ARMH2: variants seen among roughly 807,000 people sequenced by gnomAD.
ARMH2 encodes armadillo-like helical domain-containing protein 2.
Under a neutral mutation model 9.0 loss-of-function variants are expected in ARMH2, and 5 were observed. That is an observed-to-expected ratio of 0.56 (90% CI 0.29 to 1.17). ARMH2 has a LOEUF of 1.17. Among genes scored for constraint, ARMH2 ranks in the 50% most tolerant of loss-of-function variants. ARMH2 has a pLI of 0.08. For missense variants in ARMH2, 236 were observed against 268.3 expected (o/e 0.88, Z 0.84); for synonymous variants, 74 against 93.1 (o/e 0.79, Z 1.18).
chr6:24,797,821 C>T lies in ARMH2; in HGVS notation c.282G>A (p.Gly94=), dbSNP rs1780503437. The T allele has an allele frequency of 6.5e-7, 1 of 1,533,602 alleles. No individual in the cohort carries two copies. The highest frequency in any genetic ancestry group is 8.7e-7 in the Non-Finnish European group (1 of 1,145,800). 95.0% of individuals were successfully genotyped at this position (1,533,602 alleles called of 1,614,324 possible). ...LLAFTGGPPA[G]NFAAEYMEEV... ...CTTCCATGTACTCAGCTGCAAAGTT[C>T]CCAGCAGGTGGTCCTCCTGTAAAAC... is the stretch of plus-strand genomic sequence containing the variant. The change falls in exon 2 of 2, where the codon GGG becomes GGA. Residue 94 remains glycine, a synonymous_variant. Coordinates refer to ENST00000565469, the MANE Select transcript of ARMH2 (RefSeq NM_001282492.2).
Position 24,797,432 on chromosome 6 carries a change from A to G in ARMH2, c.671T>C (p.Leu224Pro). ...AAACTAATTCCTATGAAAACCAATT[A>G]GGAAATACAGCACCTCTGCAAAATT... ...TENFAEVLYF[L>P]IGFHRN is the part of the protein sequence containing the mutation. The change falls in exon 2 of 2, where the codon CTA becomes CCA. Residue 224 changes from leucine to proline, a missense_variant. Physicochemically the swap from Leu to Pro is moderately conservative, Grantham distance 98. Coordinates refer to ENST00000565469, the MANE Select transcript of ARMH2 (RefSeq NM_001282492.2). 6.5e-7 allele frequency: 1 copy of G among 1,533,466 alleles called. No individual in the cohort carries two copies. The highest frequency in any genetic ancestry group is 1.2e-5 in the South Asian group (1 of 83,950). 95.0% of individuals were successfully genotyped at this position (1,533,466 alleles called of 1,614,324 possible). A position where few individuals can be genotyped will look rare whatever the true frequency, so the allele number is the denominator to read the frequency against.
chr6:24,798,160 A>G (rs1780508312), intron 1 of ARMH2, among the ~76,000 whole-genome samples: 1 of 151,522 alleles, frequency 6.6e-6, no homozygotes, highest in Non-Finnish European at 1.5e-5. Context: ...CTTTTTGCCC[A>G]GGCTGGAGTG....
chr6:24,797,553 T>C lies in ARMH2; in HGVS notation c.550A>G (p.Asn184Asp). Residue 184 changes from asparagine (N) to aspartate (D), a missense_variant, in exon 2 of 2, where the codon AAT (asparagine) becomes GAT (aspartate). Transcript: ENST00000565469. ...TCYVLSVMTC[N>D]NLSCVKELKD... ...AGCTCCTTGACGCAAGACAAGTTAT[T>C]GCATGTCATGACAGAGAGAACGTAA... 1.3e-6 allele frequency: 2 copies of C among 1,535,514 alleles called. No individual in the cohort carries two copies. Among genetic ancestry groups the C allele is most frequent in the Non-Finnish European group, 1.7e-6 (2 of 1,146,746 alleles).
In ARMH2 at chr6:24,797,846, C is replaced by A; in HGVS notation, c.266-9G>T. The A allele has an allele frequency of 6.5e-7, 1 of 1,528,650 alleles. No homozygotes were observed. Among genetic ancestry groups the A allele is most frequent in the Non-Finnish European group, 8.7e-7 (1 of 1,143,914 alleles). The allele number at this position is 1,528,650 out of a possible 1,614,324, so 94.7% of individuals were successfully genotyped here. A position where few individuals can be genotyped will look rare whatever the true frequency, so the allele number is the denominator to read the frequency against. On this transcript the variant is annotated splice_polypyrimidine_tract_variant and intron_variant, in intron 1 of 1. Transcript: ENST00000565469. ...CCCAGCAGGTGGTCCTCCTGTAAAACAAGCATTTGCATTTCCAGAAGTATT... is the reference window on the plus strand; with the variant it reads ...CCCAGCAGGTGGTCCTCCTGTAAAAAAAGCATTTGCATTTCCAGAAGTATT...
rs773974934 is a variant in ARMH2, at chr6:24,798,629, G to A, written c.229C>T (p.Gln77Ter). 7.2e-6 allele frequency: 11 copies of A among 1,535,124 alleles called. No individual in the cohort carries two copies. The South Asian group carries it at 1.3e-4, about 18-fold the overall frequency. ...AGCAGTCCAATTTTCTGGGCAGCTT[G>A]AGCTCTCTTCTCAATGGGTAGAGAT... ...NESLPIEKRA[Q>*]AAQKIGLLAF... The change falls in exon 1 of 2, where the codon CAA (glutamine) becomes TAA (stop). Residue 77 changes from glutamine (Q) to a stop codon, truncating the protein, a stop_gained. Transcript: ENST00000565469. LOFTEE classifies it low-confidence loss of function (END_TRUNC).
intron 1 of ARMH2, 40 bp from the exon 2 acceptor site, chr6:24,797,877 T>G: frequency 6.6e-7 from 1 of 1,513,368 alleles, no homozygotes; most frequent in Non-Finnish European, 8.8e-7. Context: ...GTATTTGGTG[T>G]ATCTATTAGC....
In ARMH2 at chr6:24,797,539, G is replaced by C; in HGVS notation, c.564C>G (p.Cys188Trp). 2 of 1,535,420 alleles carry C rather than the reference G, an allele frequency of 1.3e-6. No individual in the cohort carries two copies. Among genetic ancestry groups the C allele is most frequent in the Non-Finnish European group, 1.7e-6 (2 of 1,146,726 alleles). ...LSVMTCNNLS[C>W]VKELKDHSAL... ...CACTGTGGTCTTTAAGCTCCTTGACGCAAGACAAGTTATTGCATGTCATGA... is the reference window on the plus strand; with the variant it reads ...CACTGTGGTCTTTAAGCTCCTTGACCCAAGACAAGTTATTGCATGTCATGA... Residue 188 changes from cysteine to tryptophan, a missense_variant, in exon 2 of 2, where the codon TGC becomes TGG. Transcript: ENST00000565469.
In ARMH2 at chr6:24,798,546, T is replaced by G. The variant is rs1039240765; in HGVS notation, c.265+47A>C. ...ATTACTAAACTACAGTGTTATAAAA[T>G]GAGTGTCGTGAAACACTCATTTTAG... On this transcript the variant is annotated intron_variant, in intron 1 of 1. Coordinates refer to ENST00000565469, the MANE Select transcript of ARMH2 (RefSeq NM_001282492.2). 6.1e-6 allele frequency: 9 copies of G among 1,483,150 alleles called. No individual in the cohort carries two copies. The African/African-American group carries it at 9.9e-5, about 16-fold the overall frequency. 91.9% of individuals were successfully genotyped at this position (1,483,150 alleles called of 1,614,324 possible).
Position 24,797,611 on chromosome 6 carries a change from T to C in ARMH2, c.492A>G (p.Thr164=), listed in dbSNP as rs1008328108. 5.9e-6 allele frequency: 9 copies of C among 1,535,416 alleles called. No homozygotes were observed. The highest frequency in any genetic ancestry group is 1.4e-5 in the African/African-American group (1 of 73,060). The change falls in exon 2 of 2, where the codon ACA becomes ACG. Residue 164 remains threonine, a synonymous_variant. Coordinates refer to ENST00000565469, the MANE Select transcript of ARMH2 (RefSeq NM_001282492.2). The stretch of plus-strand genomic sequence containing the variant: ...AAAATTTAAGGAGGAGGTAGCTGTT[T>C]GTTTCACTTTTGATAGTAGACTCGA... ...GRFESTIKSE[T]NSYLLLKFWT... is the part of the protein sequence containing the mutation.
rs1447210677 is a variant in ARMH2 at position 24,798,481 on chromosome 6, A to G, written c.265+112T>C. On this transcript the variant is annotated intron_variant, in intron 1 of 1. Transcript: ENST00000565469. ...TCGCTTAGCAAATATCCCTCATCCA[A>G]TGAAATGTTATCAGAATTTTAAGAT... is the stretch of plus-strand genomic sequence containing the variant. The G allele has an allele frequency of 2.4e-5, 29 of 1,226,928 alleles. 1 individual carries two copies. The East Asian group carries it at 5.4e-4, about 23-fold the overall frequency. The allele number at this position is 1,226,928 out of a possible 1,614,324, so 76.0% of individuals were successfully genotyped here.
chr6:24,797,839 T>G lies in ARMH2; in HGVS notation c.266-2A>C, dbSNP rs1376981847. 15 of 1,530,494 alleles carry G rather than the reference T, an allele frequency of 9.8e-6. No homozygotes were observed. The highest frequency in any genetic ancestry group is 1.3e-5 in the Non-Finnish European group (15 of 1,144,642). 94.8% of individuals were successfully genotyped at this position (1,530,494 alleles called of 1,614,324 possible). A position where few individuals can be genotyped will look rare whatever the true frequency, so the allele number is the denominator to read the frequency against. On this transcript the variant is annotated splice_acceptor_variant, in intron 1 of 1. Coordinates refer to ENST00000565469, the MANE Select transcript of ARMH2 (RefSeq NM_001282492.2). LOFTEE classifies it high-confidence loss of function. ...CAAAGTTCCCAGCAGGTGGTCCTCC[T>G]GTAAAACAAGCATTTGCATTTCCAG... is the stretch of plus-strand genomic sequence containing the variant.
At position 24,797,387 on chromosome 6, in the gene ARMH2, AC is replaced by A; in HGVS notation, c.*22del. 1 of 1,521,998 alleles carries A rather than the reference AC, an allele frequency of 6.6e-7. No homozygotes were observed. Among genetic ancestry groups the A allele is most frequent in the South Asian group, 1.2e-5 (1 of 82,662 alleles). The allele number at this position is 1,521,998 out of a possible 1,614,324, so 94.3% of individuals were successfully genotyped here. A position where few individuals can be genotyped will look rare whatever the true frequency, so the allele number is the denominator to read the frequency against. ...CCAGGGTAATACACAGAGAGCTGCA[AC>A]ATGTAACTGGATTTAGAGAAACTAA... On this transcript the variant is annotated 3_prime_UTR_variant, in exon 2 of 2. Coordinates refer to ENST00000565469, the MANE Select transcript of ARMH2 (RefSeq NM_001282492.2).
In ARMH2 at chr6:24,798,842, A is replaced by G. The variant is rs1780518513; in HGVS notation, c.16T>C (p.Phe6Leu). The change falls in exon 1 of 2, where the codon TTT becomes CTT. Residue 6 changes from phenylalanine (F) to leucine (L), a missense_variant. By Grantham distance (22) the Phe-to-Leu change is conservative. Coordinates refer to ENST00000565469, the MANE Select transcript of ARMH2 (RefSeq NM_001282492.2). ...TTAACCCAAATTTGCGTACAAGAAA[A>G]TCGGCTGTTAGCCATTGTGTAAAAA... MANSR[F>L]SCTQIWVKMY... 6 of 1,534,240 alleles carry G rather than the reference A, an allele frequency of 3.9e-6. No homozygotes were observed. Among genetic ancestry groups the G allele is most frequent in the South Asian group, 3.6e-5 (3 of 83,950 alleles).
intron 1 of ARMH2, among the ~76,000 whole-genome samples, chr6:24,798,138 C>T (rs990730691): frequency 5.7e-4 from 86 of 151,108 alleles, no homozygotes; most frequent in African/African-American, 1.8e-3. Context: ...TTTTTTGAGA[C>T]GGAGTTTTGC....
chr6:24,797,760 G>C lies in ARMH2; in HGVS notation c.343C>G (p.Pro115Ala), dbSNP rs1456327941. Residue 115 changes from proline to alanine, a missense_variant, in exon 2 of 2, where the codon CCA (proline) becomes GCA (alanine). Transcript: ENST00000565469. ...AHLLQDEELA[P>A]KIKILLLQSV... The stretch of plus-strand genomic sequence containing the variant: ...TGGAGCAGCAGGATCTTTATTTTTG[G>C]TGCCAACTCCTCATCTTGCAACAAG... The C allele has an allele frequency of 6.5e-7, 1 of 1,535,386 alleles. No individual in the cohort carries two copies. Among genetic ancestry groups the C allele is most frequent in the East Asian group, 2.4e-5 (1 of 40,920 alleles).
rs1380208846 is a variant in ARMH2, at chr6:24,797,427, C to T, written c.676G>A (p.Gly226Ser). 1.6e-5 allele frequency: 25 copies of T among 1,532,792 alleles called. No homozygotes were observed. The highest frequency in any genetic ancestry group is 2.0e-5 in the Non-Finnish European group (23 of 1,144,670). The allele number at this position is 1,532,792 out of a possible 1,614,324, so 94.9% of individuals were successfully genotyped here. A position where few individuals can be genotyped will look rare whatever the true frequency, so the allele number is the denominator to read the frequency against. The change falls in exon 2 of 2, where the codon GGT becomes AGT. Residue 226 changes from glycine to serine, a missense_variant. Coordinates refer to ENST00000565469, the MANE Select transcript of ARMH2 (RefSeq NM_001282492.2). ...TAGAGAAACTAATTCCTATGAAAAC[C>T]AATTAGGAAATACAGCACCTCTGCA... is the stretch of plus-strand genomic sequence containing the variant. ...NFAEVLYFLI[G>S]FHRN
Position 24,797,493 on chromosome 6 carries a change from T to C in ARMH2, c.610A>G (p.Met204Val). ...DHSALKYHLQ[M>V]LAAENWSGWT... is the part of the protein sequence containing the mutation. ...CCAGACCAATTCTCAGCAGCCAACA[T>C]TTGCAAATGATATTTTAGAGCACTG... The change falls in exon 2 of 2, where the codon ATG (methionine) becomes GTG (valine). Residue 204 changes from methionine to valine, a missense_variant. Met to Val is a conservative substitution (Grantham distance 21). Coordinates refer to ENST00000565469, the MANE Select transcript of ARMH2 (RefSeq NM_001282492.2). The C allele has an allele frequency of 2.0e-6, 3 of 1,535,464 alleles. No homozygotes were observed. Among genetic ancestry groups the C allele is most frequent in the Non-Finnish European group, 2.6e-6 (3 of 1,146,726 alleles).
At position 24,798,663 on chromosome 6, in the gene ARMH2, C is replaced by T; in HGVS notation, c.195G>A (p.Leu65=). 1 of 1,535,388 alleles carries T rather than the reference C, an allele frequency of 6.5e-7. No individual in the cohort carries two copies. Among genetic ancestry groups the T allele is most frequent in the Non-Finnish European group, 8.7e-7 (1 of 1,146,724 alleles). ...TCTCAATGGGTAGAGATTCATTCAT[C>T]AACACTTGGCCAAGTACAACAATTT... The part of the protein sequence containing the change: ...EEKIVVLGQV[L]MNESLPIEKR... Residue 65 remains leucine (L), a synonymous_variant, in exon 1 of 2, where the codon TTG becomes TTA. Transcript: ENST00000565469.
In ARMH2 at chr6:24,797,361, TC is replaced by T; in HGVS notation, c.*48del. ...CGATTTTTATTGTTTATTTCAGTTT[TC>T]CAGGGTAATACACAGAGAGCTGCAA... On this transcript the variant is annotated 3_prime_UTR_variant, in exon 2 of 2. Coordinates refer to ENST00000565469, the MANE Select transcript of ARMH2 (RefSeq NM_001282492.2). 1 of 1,439,536 alleles carries T rather than the reference TC, an allele frequency of 6.9e-7. No individual in the cohort carries two copies. The highest frequency in any genetic ancestry group is 9.2e-7 in the Non-Finnish European group (1 of 1,084,870). The allele number at this position is 1,439,536 out of a possible 1,614,324, so 89.2% of individuals were successfully genotyped here.
Sources: gnomAD v4.1 joint callset for allele counts (sites outside exome capture counted in the v4.1 genomes callset) on GRCh38, gnomAD v4.1.1 for gene constraint, MANE v1.5 for transcripts, NCBI Gene and HGNC (gene_info 2026-07-23, HGNC 2026-07-21) for gene names.